The following MACF1 variants were observed in gnomAD, a reference collection of about 807,000 sequenced individuals.
The protein encoded by MACF1 is microtubule actin crosslinking factor 1, also known as microtubule-actin cross-linking factor 1.
MACF1 carries 193 observed loss-of-function variants against 854.8 expected under a neutral mutation model. That is an observed-to-expected ratio of 0.23 (90% confidence interval 0.20 to 0.25). The LOEUF is 0.25. Among genes scored for constraint, MACF1 ranks in the 10% least tolerant of loss-of-function variants. MACF1 has a pLI of 1.00. For synonymous variants in MACF1, 3,185 were observed against 3,226.7 expected (o/e 0.99, Z 0.44); for missense variants, 7,722 against 8,929.1 (o/e 0.86, Z 5.45).
At chr1:39,293,385 T>C in intron 17 of MACF1, 73 bp from the exon 18 acceptor site, 1 of 1,280,668 alleles carries the variant, frequency 7.8e-7, no homozygotes, top group Non-Finnish European at 1.1e-6. Context: ...ATTCTCTCCT[T>C]TGATGTCAAA....
intron 2 of MACF1, among the ~76,000 whole-genome samples, chr1:39,188,857 G>T (rs1019818406): frequency 2.0e-5 from 3 of 152,028 alleles, no homozygotes; most frequent in African/African-American, 7.2e-5. Context: ...ACCTGTTTCT[G>T]CCTCCCAAAG....
chr1:39,204,342 TTCA>T (rs1465494931), upstream of MACF1: 5 of 152,270 alleles, frequency 3.3e-5, no homozygotes, highest in African/African-American at 1.2e-4. Flanking sequence ...CTCGCTGATC[TTCA>T]TCACACCTAG....
intron 58 of MACF1, among the ~76,000 whole-genome samples, chr1:39,419,246 C>T (rs1265570370): frequency 6.6e-6 from 1 of 152,096 alleles, no homozygotes; most frequent in Non-Finnish European, 1.5e-5. Context: ...ATACAAATAC[C>T]CATTGTCCCT....
chr1:39,456,099 C>A (rs1644432453), intron 89 of MACF1, among the ~76,000 whole-genome samples: 1 of 152,058 alleles, frequency 6.6e-6, no homozygotes, highest in African/African-American at 2.4e-5. Flanking sequence ...TTTGGGAGGC[C>A]AAGGGGGGCA....
intron 58 of MACF1, chr1:39,413,734 G>C (rs774253034): frequency 5.9e-6 from 9 of 1,514,078 alleles, no homozygotes; most frequent in Non-Finnish European, 8.0e-6. Flanking sequence ...AGAGGAATCC[G>C]CCTCCGCAGC....
chr1:39,315,537 T>C lies in MACF1; in HGVS notation c.3295T>C (p.Leu1099=), dbSNP rs1207976043. The C allele has an allele frequency of 3.1e-6, 5 of 1,614,028 alleles. No homozygotes were observed. In the East Asian group the frequency reaches 8.9e-5, roughly 29 times the overall value. Reference sequence around the variant, plus strand: ...GCACACCCAGGAGGATTTACAGCAATTGAGGTCAGACTTGGATGCAGTTTC... The same window carrying C: ...GCACACCCAGGAGGATTTACAGCAACTGAGGTCAGACTTGGATGCAGTTTC... ...QEHTQEDLQQ[L]RSDLDAVSMK... The change falls in exon 27 of 101, where the codon TTG becomes CTG. Residue 1099 remains leucine, a synonymous_variant. Coordinates refer to ENST00000564288, the MANE Select transcript of MACF1 (RefSeq NM_001394062.1).
chr1:39,432,405 T>G (rs1643890186), intron 66 of MACF1, 130 bp from the exon 67 acceptor site: 3 of 690,752 alleles, frequency 4.3e-6, no homozygotes, highest in Non-Finnish European at 7.0e-6. Flanking sequence ...TTCTTCCCAG[T>G]TTTGACTCTA....
chr1:39,282,587 T>G (rs1422053513), intron 7 of MACF1, among the ~76,000 whole-genome samples: 1 of 152,224 alleles, frequency 6.6e-6, no homozygotes, highest in Non-Finnish European at 1.5e-5. Flanking sequence ...TCATGGAACT[T>G]ATCTTTCAGT....
intron 2 of MACF1, among the ~76,000 whole-genome samples, chr1:39,108,772 G>T (rs941250292): frequency 2.6e-5 from 4 of 152,192 alleles, no homozygotes; most frequent in South Asian, 2.1e-4. Context: ...GTTGATGGTG[G>T]TTGGTTAAGA....
intron 19 of MACF1, 107 bp from the exon 20 acceptor site, chr1:39,295,680 G>T: frequency 1.3e-6 from 1 of 747,996 alleles, no homozygotes; most frequent in Non-Finnish European, 2.2e-6. Context: ...CATCTTTTCT[G>T]TTGGCTTCTC....
chr1:39,169,785 T>C (rs930895291), intron 2 of MACF1, among the ~76,000 whole-genome samples: 1 of 147,808 alleles, frequency 6.8e-6, no homozygotes, highest in African/African-American at 2.5e-5. Context: ...TTTTTTTTTT[T>C]TTTTTGAGAC....
chr1:39,396,903 A>G (rs757354248), intron 58 of MACF1, among the ~76,000 whole-genome samples: 5 of 152,130 alleles, frequency 3.3e-5, no homozygotes, highest in Non-Finnish European at 7.4e-5. Context: ...CACCCTCCCT[A>G]CTTTGCCACC....
Position 39,485,692 on chromosome 1 carries a change from C to T in MACF1, c.22566C>T (p.Gly7522=). 6.2e-7 allele frequency: 1 copy of T among 1,613,996 alleles called. No homozygotes were observed. Among genetic ancestry groups the T allele is most frequent in the East Asian group, 2.2e-5 (1 of 44,868 alleles). ...CTTCAGAAAGCAGCGCTGCAGGGGG[C>T]CAAGGCAACTCCAGGAGAGGGCTAA... The part of the protein sequence containing the change: ...SDTSESSAAG[G]QGNSRRGLNK... The change falls in exon 101 of 101, where the codon GGC becomes GGT. Residue 7522 remains glycine, a synonymous_variant. Coordinates refer to ENST00000564288, the MANE Select transcript of MACF1 (RefSeq NM_001394062.1).
intron 1 of MACF1, among the ~76,000 whole-genome samples, chr1:39,208,669 G>T (rs1470872379): frequency 1.3e-5 from 2 of 152,046 alleles, no homozygotes; most frequent in East Asian, 3.9e-4. Context: ...CTGTCGCCCA[G>T]GCTGGCGTGC....
intron 2 of MACF1, among the ~76,000 whole-genome samples, chr1:39,233,383 C>T (rs1024677190): frequency 2.0e-5 from 3 of 152,286 alleles, no homozygotes; most frequent in East Asian, 3.9e-4. Flanking sequence ...CATTTTACTT[C>T]TGTGTGCCTC....
chr1:39,318,615 G>A lies in MACF1; in HGVS notation c.3945G>A (p.Thr1315=), dbSNP rs766037505. 3.1e-6 allele frequency: 5 copies of A among 1,608,062 alleles called. No individual in the cohort carries two copies. Among genetic ancestry groups the A allele is most frequent in the South Asian group, 2.2e-5 (2 of 90,300 alleles). The change falls in exon 30 of 101, where the codon ACG becomes ACA. Residue 1315 remains threonine, a splice_region_variant and synonymous_variant. Transcript: ENST00000564288. The stretch of plus-strand genomic sequence containing the variant: ...TTTCGGAGCAGCTCAGCCAGCAGAC[G>A]GTGAGTGTGGTAGTAGCTCTGGCGA... ...RVLSEQLSQQ[T]ALFAEIERNQ...
chr1:39,412,824 C>G lies in MACF1; in HGVS notation c.15817-9550C>G, dbSNP rs773757866. 4 of 1,612,442 alleles carry G rather than the reference C, an allele frequency of 2.5e-6. No individual in the cohort carries two copies. In the East Asian group the frequency reaches 8.9e-5, roughly 36 times the overall value. On this transcript the variant is annotated intron_variant, in intron 58 of 100. Transcript: ENST00000564288. ...ATGCCCTAGATGCTGCACTGCCCAG[C>G]CCAGAGGAGGGTACCTCAATTGCTG...
At chr1:39,184,456 T>C (rs1480665293) in intron 2 of MACF1, among the ~76,000 whole-genome samples, 1 of 152,152 alleles carries the variant, frequency 6.6e-6, no homozygotes, top group Non-Finnish European at 1.5e-5. Context: ...TTGCCAAAAG[T>C]ACCCTAGTTC....
At chr1:39,453,664 T>C (rs771499570) in intron 87 of MACF1, 43 bp from the exon 88 acceptor site, 19 of 1,585,392 alleles carry the variant, frequency 1.2e-5, no homozygotes, top group Non-Finnish European at 1.1e-5. Context: ...GTGCTGCTAA[T>C]GTAGACTTTT....
Sources: gnomAD v4.1 joint callset for allele counts (sites outside exome capture counted in the v4.1 genomes callset) on GRCh38, gnomAD v4.1.1 for gene constraint, MANE v1.5 for transcripts, NCBI Gene and HGNC (gene_info 2026-07-23, HGNC 2026-07-21) for gene names.